OSBPL8: variants seen among roughly 807,000 people sequenced by gnomAD.
OSBPL8 encodes the protein oxysterol-binding protein-related protein 8.
Under a neutral mutation model 125.5 loss-of-function variants are expected in OSBPL8, and 59 were observed. That is an observed-to-expected ratio of 0.47 (90% CI 0.38 to 0.58). The LOEUF is 0.58. Among genes scored for constraint, OSBPL8 ranks in the 20% least tolerant of loss-of-function variants. The pLI is 0.00. For synonymous variants in OSBPL8, 330 were observed against 338.9 expected (o/e 0.97, Z 0.29); for missense variants, 758 against 1,047.8 (o/e 0.72, Z 3.82).
intron 21 of OSBPL8, among the ~76,000 whole-genome samples, chr12:76,367,713 A>G (rs1229574378): frequency 6.6e-6 from 1 of 151,416 alleles, no homozygotes; most frequent in African/African-American, 2.4e-5. Context: ...TTTTGTGTGT[A>G]TTTTTTTAGA....
chr12:76,456,204 T>C (rs1874020245), intron 3 of OSBPL8, among the ~76,000 whole-genome samples: 1 of 152,216 alleles, frequency 6.6e-6, no homozygotes, highest in South Asian at 2.1e-4. Context: ...AATAATAATC[T>C]GTATGTAAAT....
At chr12:76,510,048 T>C (rs1307240306) in intron 1 of OSBPL8, among the ~76,000 whole-genome samples, 1 of 152,224 alleles carries the variant, frequency 6.6e-6, no homozygotes, top group Non-Finnish European at 1.5e-5. Context: ...CTACTGTGCT[T>C]ACAGGTGTCT....
chr12:76,447,632 C>T (rs986872226), intron 4 of OSBPL8, among the ~76,000 whole-genome samples: 1 of 152,084 alleles, frequency 6.6e-6, no homozygotes, highest in African/African-American at 2.4e-5. Context: ...CAACCTCTGC[C>T]TCCCAGGTTC....
intron 18 of OSBPL8, 78 bp from the exon 19 acceptor site, chr12:76,371,662 G>A: frequency 8.3e-7 from 1 of 1,201,280 alleles, no homozygotes; most frequent in Non-Finnish European, 1.1e-6. Context: ...ATATGACGGT[G>A]ATAATTTCTT....
chr12:76,516,743 A>G (rs2137230865), intron 1 of OSBPL8, among the ~76,000 whole-genome samples: 1 of 152,288 alleles, frequency 6.6e-6, no homozygotes, highest in South Asian at 2.1e-4. Context: ...TGGTTGATGA[A>G]GGAAACATAA....
intron 1 of OSBPL8, among the ~76,000 whole-genome samples, chr12:76,544,826 T>C (rs1950741050): frequency 6.6e-6 from 1 of 152,028 alleles, no homozygotes; most frequent in Non-Finnish European, 1.5e-5. Context: ...AACATGTTAC[T>C]TAAACACTGA....
At chr12:76,410,522 TAAG>T (rs1360481060) in intron 5 of OSBPL8, 39 bp downstream of exon 5, 1 of 1,428,394 alleles carries the variant, frequency 7.0e-7, no homozygotes, top group East Asian at 2.3e-5. Context: ...TCTCAAATAT[TAAG>T]AATATGTCAT....
chr12:76,487,021 A>ATTTTTTT (rs63178360), intron 2 of OSBPL8, among the ~76,000 whole-genome samples: 35 of 101,840 alleles, frequency 3.4e-4, no homozygotes, highest in Non-Finnish European at 5.0e-4. Context: ...TGCAATTTTC[A>ATTTTTTT]TTTTTTTTTT....
At chr12:76,397,296 A>T (rs1953849570) in intron 8 of OSBPL8, among the ~76,000 whole-genome samples, 1 of 135,776 alleles carries the variant, frequency 7.4e-6, no homozygotes. Flanking sequence ...TTTCTGTTCC[A>T]GGGAATCCTA....
intron 18 of OSBPL8, among the ~76,000 whole-genome samples, chr12:76,372,915 G>C (rs74103407): frequency 6.6e-6 from 1 of 151,954 alleles, no homozygotes; most frequent in South Asian, 2.1e-4. Context: ...AGGGTTCCTG[G>C]GCTTTAATTC....
chr12:76,529,261 C>T (rs1016952098), intron 1 of OSBPL8, among the ~76,000 whole-genome samples: 1 of 152,066 alleles, frequency 6.6e-6, no homozygotes, highest in Non-Finnish European at 1.5e-5. Context: ...CAAGATAATG[C>T]TAAAACTTCA....
chr12:76,416,267 A>AT (rs1230858418), intron 4 of OSBPL8, among the ~76,000 whole-genome samples: 1 of 152,078 alleles, frequency 6.6e-6, no homozygotes, highest in African/African-American at 2.4e-5. Context: ...ATAAGGTCAG[A>AT]TAATATGTTC....
At chr12:76,519,040 TTCTC>T (rs1176014416) in intron 1 of OSBPL8, among the ~76,000 whole-genome samples, 1 of 152,222 alleles carries the variant, frequency 6.6e-6, no homozygotes, top group African/African-American at 2.4e-5. Flanking sequence ...CTTGGATTCT[TTCTC>T]TATCACAGGG....
intron 4 of OSBPL8, among the ~76,000 whole-genome samples, chr12:76,413,451 T>C (rs527842063): frequency 1.3e-5 from 2 of 152,334 alleles, no homozygotes; most frequent in East Asian, 1.9e-4. Flanking sequence ...TGTTGAACAA[T>C]AGTGCTATGA....
Position 76,394,650 on chromosome 12 carries a change from G to T in OSBPL8, c.752C>A (p.Ser251Ter). The change falls in exon 9 of 24, where the codon TCA (serine) becomes TAA (stop). Residue 251 changes from serine to a stop codon, truncating the protein, a stop_gained. Transcript: ENST00000261183. LOFTEE classifies it high-confidence loss of function. ...SYLIIRATSE[S>*]DGRCWMDALE... ...CCATCAAAAACTATACTTACCATCT[G>T]ACTCTGAAGTAGCTCGGATGATCAA... 6.2e-7 allele frequency: 1 copy of T among 1,610,086 alleles called. No homozygotes were observed. The highest frequency in any genetic ancestry group is 1.1e-5 in the South Asian group (1 of 90,444).
At chr12:76,519,289 G>T (rs972032726) in intron 1 of OSBPL8, among the ~76,000 whole-genome samples, 1 of 152,118 alleles carries the variant, frequency 6.6e-6, no homozygotes, top group Non-Finnish European at 1.5e-5. Context: ...CTTTGCTGGG[G>T]TGCAAAAGGG....
At chr12:76,541,737 C>A (rs1950650161) in intron 1 of OSBPL8, among the ~76,000 whole-genome samples, 1 of 151,546 alleles carries the variant, frequency 6.6e-6, no homozygotes. Context: ...TGCCTGTAAT[C>A]CCAGCTATTC....
At chr12:76,365,491 G>C (rs1952379831) in intron 21 of OSBPL8, among the ~76,000 whole-genome samples, 1 of 152,092 alleles carries the variant, frequency 6.6e-6, no homozygotes, top group African/African-American at 2.4e-5. Flanking sequence ...AAGTTCATTA[G>C]CTCCAGTAGC....
rs1056243219 is a variant in OSBPL8 at position 76,402,907 on chromosome 12, CTA to C, written c.289-143_289-142del. 1.9e-4 allele frequency: 118 copies of C among 636,194 alleles called. No homozygotes were observed. In the East Asian group the frequency reaches 2.6e-3, roughly 14 times the overall value. 39.4% of individuals were successfully genotyped at this position (636,194 alleles called of 1,614,324 possible). ...ATGTCAATTTTCAATAGAATTTTCC[CTA>C]TATGTCTTTAAAAATGAATCCATGT... On this transcript the variant is annotated intron_variant, in intron 5 of 23. Transcript: ENST00000261183.
Sources: allele counts gnomAD v4.1 joint callset (sites outside exome capture counted in the v4.1 genomes callset), GRCh38; gene constraint gnomAD v4.1.1; transcripts MANE v1.5; gene names NCBI Gene and HGNC (gene_info 2026-07-23, HGNC 2026-07-21).